PVT1: variants seen among roughly 807,000 people sequenced by gnomAD.
PVT1 encodes the protein Pvt1 oncogene, also known as CXCR4/PVT1 fusion.
chr8:128,007,096 A>C (rs1179232049), intron 4 of PVT1, among the ~76,000 whole-genome samples: 1 of 152,224 alleles, frequency 6.6e-6, no homozygotes, highest in African/African-American at 2.4e-5. Flanking sequence ...AAAGACAAAG[A>C]ATGACTGAGG....
intron 4 of PVT1, among the ~76,000 whole-genome samples, chr8:128,057,528 A>T (rs1813776818): frequency 6.6e-6 from 1 of 152,212 alleles, no homozygotes; most frequent in Admixed American, 6.5e-5. Context: ...CTTTGGGGTT[A>T]CAAACAAGCA....
At chr8:127,848,333 T>C (rs1815060691) in intron 2 of PVT1, among the ~76,000 whole-genome samples, 1 of 151,404 alleles carries the variant, frequency 6.6e-6, no homozygotes, top group South Asian at 2.1e-4. Context: ...AGGGGGTTGC[T>C]TGAGCCCAGG....
chr8:127,871,894 A>G (rs1294417281), intron 2 of PVT1, among the ~76,000 whole-genome samples: 2 of 151,660 alleles, frequency 1.3e-5, no homozygotes, highest in African/African-American at 2.4e-5. Context: ...TTGGAGACCA[A>G]CCTGGCCAAC....
At chr8:128,038,713 T>A (rs2130083480) in intron 4 of PVT1, among the ~76,000 whole-genome samples, 1 of 152,262 alleles carries the variant, frequency 6.6e-6, no homozygotes, top group South Asian at 2.1e-4. Context: ...AAATATGCTC[T>A]GCAGTAGGCT....
At chr8:127,870,133 T>A (rs1815335874) in intron 2 of PVT1, among the ~76,000 whole-genome samples, 1 of 152,134 alleles carries the variant, frequency 6.6e-6, no homozygotes, top group African/African-American at 2.4e-5. Context: ...TGTCATTACT[T>A]AAGATGATAT....
chr8:128,022,852 G>T (rs2114356), intron 4 of PVT1, among the ~76,000 whole-genome samples: 3 of 146,994 alleles, frequency 2.0e-5, no homozygotes, highest in Non-Finnish European at 3.0e-5. Flanking sequence ...TAAACATGAC[G>T]CAAGCTGAGA....
intron 4 of PVT1, among the ~76,000 whole-genome samples, chr8:128,030,944 G>C (rs781216553): frequency 2.0e-5 from 3 of 152,208 alleles, no homozygotes; most frequent in Non-Finnish European, 4.4e-5. Context: ...TGGAAACAGG[G>C]ATCTCTCCAT....
rs57815252 is a variant in PVT1, at chr8:128,071,687, AAAAT to A, written n.1114+1358_1114+1361del. On this transcript the variant is annotated intron_variant and non_coding_transcript_variant, in intron 5 of 10. Transcript: ENST00000651587. Reference sequence around the variant, plus strand: ...GAGACAGATTTGAGACTCTGTCTCTAAAATAAATAAATAAATAAATAAATAAATA... The same window carrying A: ...GAGACAGATTTGAGACTCTGTCTCTAAAATAAATAAATAAATAAATAAATA... 1.2e-3 allele frequency among the ~76,000 whole-genome samples: 170 copies of A among 139,864 alleles called. 1 individual carries two copies. Among genetic ancestry groups the A allele is most frequent in the Middle Eastern group, 3.6e-3 (1 of 280 alleles). The allele number at this position is 139,864 out of a possible 152,430, so 91.8% of individuals were successfully genotyped here.
chr8:127,896,848 A>G (rs1156509345), intron 3 of PVT1, among the ~76,000 whole-genome samples: 1 of 138,712 alleles, frequency 7.2e-6, no homozygotes, highest in Non-Finnish European at 1.5e-5. Context: ...CACTTTCTTC[A>G]TCTGCAAACC....
At position 127,890,090 on chromosome 8, in the gene PVT1, G is replaced by C. The variant is rs193096431; in HGVS notation, n.373-499G>C. Among the ~76,000 whole-genome samples the C allele has an allele frequency of 8.4e-4, 128 of 152,272 alleles. 1 individual carries two copies. The highest frequency in any genetic ancestry group is 1.6e-3 in the Admixed American group (24 of 15,300). ...AGGTCCTAGGCCCTGCCCTGAAGAG[G>C]CTCACAGTGCAGGACAAGGCCTGGA... On this transcript the variant is annotated intron_variant and non_coding_transcript_variant, in intron 2 of 10. Coordinates refer to ENST00000651587, the Ensembl canonical transcript of PVT1.
intron 3 of PVT1, among the ~76,000 whole-genome samples, chr8:127,931,409 G>T (rs1816204765): frequency 6.6e-6 from 1 of 152,162 alleles, no homozygotes; most frequent in Non-Finnish European, 1.5e-5. Flanking sequence ...TCTTGAAGGT[G>T]GGGGCACTAT....
At chr8:127,871,527 T>C (rs990266068) in intron 2 of PVT1, among the ~76,000 whole-genome samples, 1 of 152,168 alleles carries the variant, frequency 6.6e-6, no homozygotes, top group African/African-American at 2.4e-5. Flanking sequence ...TCTGCTTGTC[T>C]GTCCTTAGGC....
At chr8:127,993,896 G>A (rs1462609029) in intron 4 of PVT1, among the ~76,000 whole-genome samples, 6 of 152,212 alleles carry the variant, frequency 3.9e-5, no homozygotes, top group Non-Finnish European at 8.8e-5. Context: ...AAGGAGAAAA[G>A]CCACTGTGCT....
chr8:127,943,525 G>T (rs950245873), intron 3 of PVT1, among the ~76,000 whole-genome samples: 1 of 152,126 alleles, frequency 6.6e-6, no homozygotes, highest in Non-Finnish European at 1.5e-5. Flanking sequence ...TTTGTTGTGG[G>T]GGCTGTCCTA....
At chr8:127,832,601 G>A (rs1398097727) in intron 2 of PVT1, among the ~76,000 whole-genome samples, 3 of 152,258 alleles carry the variant, frequency 2.0e-5, no homozygotes, top group African/African-American at 7.2e-5. Context: ...GCTCACGCCT[G>A]TAATCCCAGC....
At chr8:127,822,000 A>G (rs1309423677) in intron 2 of PVT1, among the ~76,000 whole-genome samples, 1 of 152,204 alleles carries the variant, frequency 6.6e-6, no homozygotes, top group Non-Finnish European at 1.5e-5. Context: ...TGGCTCTACC[A>G]GTAATCAGTT....
chr8:128,081,293 T>C (rs113782086), intron 5 of PVT1, among the ~76,000 whole-genome samples: 2,743 of 152,300 alleles, frequency 0.018, 68 homozygotes, highest in African/African-American at 0.062. Flanking sequence ...TATTCACTTA[T>C]TGAAGGACAT....
chr8:127,879,308 C>A (rs1815438811), intron 2 of PVT1, among the ~76,000 whole-genome samples: 1 of 152,198 alleles, frequency 6.6e-6, no homozygotes, highest in Non-Finnish European at 1.5e-5. Flanking sequence ...GCCGGGGTAT[C>A]AGTTGAGGTC....
At chr8:128,082,261 AGT>A (rs1490853744) in intron 5 of PVT1, among the ~76,000 whole-genome samples, 1 of 152,368 alleles carries the variant, frequency 6.6e-6, no homozygotes, top group African/African-American at 2.4e-5. Context: ...AGGGAGGTTA[AGT>A]AACTTGTTCG....
Sources: gnomAD v4.1 joint callset for allele counts (sites outside exome capture counted in the v4.1 genomes callset) on GRCh38, gnomAD v4.1.1 for gene constraint, MANE v1.5 for transcripts, NCBI Gene and HGNC (gene_info 2026-07-23, HGNC 2026-07-21) for gene names.